MORN5: variants seen among roughly 807,000 people sequenced by gnomAD.
The protein encoded by MORN5 is MORN repeat-containing protein 5.
A neutral mutation model predicts 22.1 loss-of-function variants in MORN5; 21 were observed. The ratio of observed to expected loss-of-function variants is 0.95; its 90% CI spans 0.67 to 1.37. The LOEUF is 1.37. Ranked by LOEUF, MORN5 falls within the 40% of genes most tolerant of loss-of-function variation. The pLI is 0.00. For missense variants in MORN5, 211 were observed against 215.1 expected, an observed-to-expected ratio of 0.98 and a Z score of 0.12; for synonymous variants, 73 against 74.0, an observed-to-expected ratio of 0.99 and a Z score of 0.07.
chr9:122,198,226 C>T (rs1332065972), intron 4 of MORN5, among the ~76,000 whole-genome samples: 2 of 152,232 alleles, frequency 1.3e-5, no homozygotes, highest in Admixed American at 1.3e-4. Context: ...GAGCCTCCAT[C>T]TCTCTGCCCC....
intron 1 of MORN5, among the ~76,000 whole-genome samples, chr9:122,161,284 T>C (rs1197157099): frequency 6.6e-6 from 1 of 152,202 alleles, no homozygotes; most frequent in Non-Finnish European, 1.5e-5. Flanking sequence ...GGATAGGAGA[T>C]AGATTCCTAG....
At chr9:122,172,987 T>A (rs964359824) in intron 3 of MORN5, among the ~76,000 whole-genome samples, 4 of 152,170 alleles carry the variant, frequency 2.6e-5, no homozygotes, top group African/African-American at 7.2e-5. Flanking sequence ...CCCGAATTAG[T>A]TATGATGGGA....
intron 2 of MORN5, among the ~76,000 whole-genome samples, chr9:122,167,189 G>A (rs1460041320): frequency 5.0e-5 from 7 of 140,694 alleles, no homozygotes; most frequent in Non-Finnish European, 8.0e-5. Flanking sequence ...CTGGGACTAC[G>A]GGCGTGCACC....
intron 1 of MORN5, among the ~76,000 whole-genome samples, chr9:122,160,388 G>T (rs936039702): frequency 6.6e-6 from 1 of 152,186 alleles, no homozygotes; most frequent in Non-Finnish European, 1.5e-5. Flanking sequence ...CAAACACGAA[G>T]ATTAGGGAAG....
At chr9:122,160,166 C>G (rs1276712941) in intron 1 of MORN5, 147 bp downstream of exon 1, 1 of 668,644 alleles carries the variant, frequency 1.5e-6, no homozygotes, top group Non-Finnish European at 2.6e-6. Flanking sequence ...TAATAAGCAG[C>G]AAAGCTAAGA....
At chr9:122,199,775 TG>T in intron 4 of MORN5, 109 bp from the exon 5 acceptor site, 1 of 936,606 alleles carries the variant, frequency 1.1e-6, no homozygotes, top group Non-Finnish European at 1.8e-6. Context: ...CTACACAGAC[TG>T]GCCATCGACG....
rs572966448 is a variant in MORN5, at chr9:122,197,408, TG to T, written c.440-2474del. On this transcript the variant is annotated intron_variant, in intron 4 of 4. Coordinates refer to ENST00000373764, the MANE Select transcript of MORN5 (RefSeq NM_198469.4). The surrounding 1 kb of genome is among the most constrained non-coding windows in gnomAD (Gnocchi z 5.7). ...AATAGTAATCACAACTCCCAGGATCTGGGAGGCATTAATCAAAGCTGCAGGT... is the reference window on the plus strand; with the variant it reads ...AATAGTAATCACAACTCCCAGGATCTGGAGGCATTAATCAAAGCTGCAGGT... Among the ~76,000 whole-genome samples the T allele has an allele frequency of 1.3e-3, 202 of 152,304 alleles. No homozygotes were observed. The highest frequency in any genetic ancestry group is 2.3e-3 in the Non-Finnish European group (157 of 68,026).
chr9:122,198,660 C>T (rs1829947138), intron 4 of MORN5, among the ~76,000 whole-genome samples: 1 of 152,180 alleles, frequency 6.6e-6, no homozygotes, highest in Non-Finnish European at 1.5e-5. Flanking sequence ...ACCCCAGAGA[C>T]ATTCTCCACG....
chr9:122,166,091 T>A (rs1413563230), intron 1 of MORN5, among the ~76,000 whole-genome samples: 1 of 152,020 alleles, frequency 6.6e-6, no homozygotes, highest in Non-Finnish European at 1.5e-5. Context: ...TTCAGGGGAA[T>A]TGCCCTTTAT....
chr9:122,195,264 A>G (rs1588319650), intron 4 of MORN5, among the ~76,000 whole-genome samples: 1 of 152,196 alleles, frequency 6.6e-6, no homozygotes, highest in Non-Finnish European at 1.5e-5. Flanking sequence ...CAGAGTTGTC[A>G]ATGTACCCCA....
At chr9:122,187,720 C>A (rs1449505549) in intron 4 of MORN5, among the ~76,000 whole-genome samples, 1 of 152,200 alleles carries the variant, frequency 6.6e-6, no homozygotes, top group East Asian at 1.9e-4. Flanking sequence ...CAGTCCAACA[C>A]AATTCTGTAT....
rs188628732 is a variant in MORN5, at chr9:122,175,227, T to A, written c.439+600T>A. ...TCTAAGCTGAGACCTGAAGAATAAC[T>A]GGGAGTTGACCACAAGGCCTGGGGA... On this transcript the variant is annotated intron_variant, in intron 4 of 4. Transcript: ENST00000373764. 9.3e-4 allele frequency among the ~76,000 whole-genome samples: 142 copies of A among 152,206 alleles called. 1 individual carries two copies. Among genetic ancestry groups the A allele is most frequent in the Non-Finnish European group, 8.5e-4 (58 of 68,000 alleles).
At chr9:122,162,818 A>T (rs1403100295) in intron 1 of MORN5, among the ~76,000 whole-genome samples, 1 of 152,210 alleles carries the variant, frequency 6.6e-6, no homozygotes, top group Non-Finnish European at 1.5e-5. Flanking sequence ...AGAGATGAGG[A>T]TTGTGGGCAG....
chr9:122,176,810 G>A (rs979945976), intron 4 of MORN5, among the ~76,000 whole-genome samples: 15 of 152,142 alleles, frequency 9.9e-5, no homozygotes, highest in Admixed American at 5.9e-4. Flanking sequence ...CCTGGGAGGC[G>A]GAGGTTGTAG....
At chr9:122,193,024 T>A (rs965855865) in intron 4 of MORN5, among the ~76,000 whole-genome samples, 3 of 151,906 alleles carry the variant, frequency 2.0e-5, no homozygotes, top group Non-Finnish European at 4.4e-5. Context: ...CTGGAGGGGG[T>A]GACTACAACG....
chr9:122,196,280 CA>C (rs1236801181), intron 4 of MORN5, among the ~76,000 whole-genome samples: 1 of 150,088 alleles, frequency 6.7e-6, no homozygotes, highest in African/African-American at 2.5e-5. Context: ...TTTCAATTAA[CA>C]AAATGCGTGA....
intron 4 of MORN5, among the ~76,000 whole-genome samples, chr9:122,194,423 T>C (rs1829840287): frequency 1.3e-5 from 2 of 151,640 alleles, no homozygotes; most frequent in South Asian, 4.2e-4. Flanking sequence ...ATGCAGGGAG[T>C]GGCTTATGCT....
At chr9:122,165,830 G>C (rs888754960) in intron 1 of MORN5, among the ~76,000 whole-genome samples, 1 of 152,106 alleles carries the variant, frequency 6.6e-6, no homozygotes, top group Admixed American at 6.6e-5. Context: ...TAGGTGCTCT[G>C]TAAATACCTG....
intron 2 of MORN5, among the ~76,000 whole-genome samples, chr9:122,167,327 C>T (rs1189236431): frequency 2.8e-5 from 4 of 142,170 alleles, no homozygotes; most frequent in South Asian, 2.3e-4. Flanking sequence ...ATTACAGGTG[C>T]GCAGGTGTGA....
Sources: allele counts gnomAD v4.1 joint callset (sites outside exome capture counted in the v4.1 genomes callset), GRCh38; gene constraint gnomAD v4.1.1; non-coding constraint Gnocchi (gnomAD v3.1); transcripts MANE v1.5; gene names NCBI Gene and HGNC (gene_info 2026-07-23, HGNC 2026-07-21).